Variants in ARMC8 observed in about 807,000 individuals in gnomAD.
ARMC8 encodes the protein armadillo repeat containing 8.
Under a neutral mutation model 99.3 loss-of-function variants are expected in ARMC8, and 20 were observed. That is an observed-to-expected ratio of 0.20 (90% CI 0.14 to 0.29). The LOEUF is 0.29. ARMC8 is among the 10% of genes least tolerant of loss of function. The pLI is 1.00. For missense variants in ARMC8, 569 were observed against 809.5 expected, an observed-to-expected ratio of 0.70 and a Z score of 3.60; for synonymous variants, 263 against 278.3, an observed-to-expected ratio of 0.95 and a Z score of 0.55.
Position 138,223,539 on chromosome 3 carries a change from G to A in ARMC8, c.337+8G>A, listed in dbSNP as rs775918562. On this transcript the variant is annotated splice_region_variant and intron_variant, in intron 4 of 21. Transcript: ENST00000469044. ...TCCCTGCCTTATTGCAAGGTATGTA[G>A]GGAAGCCATTTTTGCTCAATTAAGG... 3 of 1,614,018 alleles carry A rather than the reference G, an allele frequency of 1.9e-6. No individual in the cohort carries two copies. Among genetic ancestry groups the A allele is most frequent in the African/African-American group, 1.3e-5 (1 of 74,920 alleles).
At chr3:138,199,484 T>C (rs1228443794) in intron 1 of ARMC8, among the ~76,000 whole-genome samples, 2 of 152,228 alleles carry the variant, frequency 1.3e-5, no homozygotes, top group Non-Finnish European at 2.9e-5. Flanking sequence ...TATCCTTTTT[T>C]GTTCCAAGTA....
intron 2 of ARMC8, among the ~76,000 whole-genome samples, chr3:138,215,457 C>T (rs146538889): frequency 3.9e-5 from 6 of 152,222 alleles, no homozygotes; most frequent in African/African-American, 1.2e-4. Context: ...ATCTCGTGAT[C>T]CACCCGCCTC....
intron 5 of ARMC8, among the ~76,000 whole-genome samples, chr3:138,225,109 CTT>C (rs34843565): frequency 5.6e-4 from 64 of 113,590 alleles, no homozygotes; most frequent in African/African-American, 1.8e-3. Context: ...TTTCTTCTGG[CTT>C]TTTTTTTTTT....
chr3:138,235,972 A>G (rs1035243135), intron 7 of ARMC8, among the ~76,000 whole-genome samples: 3 of 151,542 alleles, frequency 2.0e-5, no homozygotes, highest in African/African-American at 4.8e-5. Context: ...CCCCTGGCTG[A>G]TTTTTTCTAT....
At chr3:138,286,073 A>G (rs2050378170) in intron 19 of ARMC8, among the ~76,000 whole-genome samples, 1 of 152,112 alleles carries the variant, frequency 6.6e-6, no homozygotes, top group African/African-American at 2.4e-5. Context: ...CCTCCTGAGT[A>G]GCTGGGATTA....
chr3:138,212,185 C>T (rs1189226507), intron 2 of ARMC8, among the ~76,000 whole-genome samples: 2 of 151,932 alleles, frequency 1.3e-5, no homozygotes, highest in Admixed American at 1.3e-4. Context: ...TCCTTTTCTC[C>T]AGATAGAAAT....
intron 16 of ARMC8, 33 bp downstream of exon 16, chr3:138,270,165 C>A (rs758238008): frequency 2.1e-6 from 3 of 1,415,688 alleles, no homozygotes; most frequent in Admixed American, 1.7e-5. Flanking sequence ...TCATAACTTA[C>A]AAAAGGAATA....
intron 18 of ARMC8, among the ~76,000 whole-genome samples, chr3:138,282,174 C>G (rs2049992750): frequency 6.6e-6 from 1 of 152,206 alleles, no homozygotes; most frequent in South Asian, 2.1e-4. Context: ...ATCACTACCA[C>G]TGATGAATAT....
At chr3:138,241,049 C>CA (rs201138092) in intron 10 of ARMC8, among the ~76,000 whole-genome samples, 13 of 149,550 alleles carry the variant, frequency 8.7e-5, no homozygotes, top group East Asian at 7.8e-4. Context: ...GACTCCGTCT[C>CA]AAAAAAAAAG....
chr3:138,253,087 T>C (rs1185120264), intron 12 of ARMC8, among the ~76,000 whole-genome samples: 1 of 152,044 alleles, frequency 6.6e-6, no homozygotes, highest in Non-Finnish European at 1.5e-5. Context: ...CTGAATAAGA[T>C]TTTTCACTAT....
At chr3:138,223,192 C>T (rs1047240753) in intron 3 of ARMC8, among the ~76,000 whole-genome samples, 197 bp from the exon 4 acceptor site, 1 of 152,040 alleles carries the variant, frequency 6.6e-6, no homozygotes, top group Non-Finnish European at 1.5e-5. Flanking sequence ...TATGATAGTT[C>T]TTTTTTTCAA....
At chr3:138,242,040 C>T (rs2046650170) in intron 11 of ARMC8, 57 bp downstream of exon 11, 2 of 1,477,844 alleles carry the variant, frequency 1.4e-6, no homozygotes, top group South Asian at 2.3e-5. Flanking sequence ...GTTTTTCTTA[C>T]TGTTCACAGT....
intron 12 of ARMC8, among the ~76,000 whole-genome samples, chr3:138,255,206 G>GTTTTT (rs1319216904): frequency 2.6e-5 from 3 of 115,198 alleles, no homozygotes; most frequent in Admixed American, 8.8e-5. Context: ...TTTTTTTTTT[G>GTTTTT]TTTTTTTTTT....
Position 138,194,208 on chromosome 3 carries a change from A to G in ARMC8, c.45+6609A>G, listed in dbSNP as rs1180287930. ...CAGGCACCCACTGCCACGCCCGGCT[A>G]ATTTTTTGTATTTTTTAGTAGAGAC... On this transcript the variant is annotated intron_variant, in intron 1 of 21. Coordinates refer to ENST00000469044, the MANE Select transcript of ARMC8 (RefSeq NM_001363941.2). 1.3e-4 allele frequency among the ~76,000 whole-genome samples: 19 copies of G among 150,374 alleles called. No individual in the cohort carries two copies. The East Asian group carries it at 3.1e-3, about 25-fold the overall frequency.
chr3:138,294,339 G>A (rs965905042), intron 21 of ARMC8, among the ~76,000 whole-genome samples: 9 of 152,146 alleles, frequency 5.9e-5, no homozygotes, highest in African/African-American at 1.7e-4. Flanking sequence ...CAGAGCTCCC[G>A]CCTCCATCAG....
chr3:138,249,052 C>A (rs542655557), intron 12 of ARMC8, among the ~76,000 whole-genome samples: 1 of 152,218 alleles, frequency 6.6e-6, no homozygotes, highest in South Asian at 2.1e-4. Flanking sequence ...TTAATGTATT[C>A]CCAGCATCTA....
intron 1 of ARMC8, 85 bp downstream of exon 1, chr3:138,187,684 C>T (rs1383785357): frequency 7.1e-7 from 1 of 1,413,130 alleles, no homozygotes; most frequent in Non-Finnish European, 9.7e-7. Context: ...GGTGTGCCTC[C>T]TGGGCACCAC....
At chr3:138,293,779 T>C (rs572206823) in intron 21 of ARMC8, among the ~76,000 whole-genome samples, 2 of 152,150 alleles carry the variant, frequency 1.3e-5, no homozygotes, top group Non-Finnish European at 2.9e-5. Context: ...TATTCAGAAG[T>C]AAAAACAAAT....
intron 18 of ARMC8, among the ~76,000 whole-genome samples, chr3:138,277,761 C>T (rs111296301): frequency 3.9e-4 from 59 of 152,272 alleles, no homozygotes; most frequent in Admixed American, 8.5e-4. Flanking sequence ...ACGTGCCATA[C>T]GACCCAGCAA....
Sources: allele counts gnomAD v4.1 joint callset (sites outside exome capture counted in the v4.1 genomes callset), GRCh38; gene constraint gnomAD v4.1.1; transcripts MANE v1.5; gene names NCBI Gene and HGNC (gene_info 2026-07-23, HGNC 2026-07-21).